Variants in ERC1 observed in about 807,000 individuals in gnomAD.
The protein encoded by ERC1 is RAB6 interacting protein 2.
In ERC1, 56 loss-of-function variants were observed where a neutral mutation model predicts 132.0. The observed-to-expected ratio is 0.42, with a 90% CI of 0.34 to 0.53. ERC1 has a LOEUF of 0.53. ERC1 is among the 20% of genes least tolerant of loss of function. The probability of loss-of-function intolerance (pLI) is 0.03; values close to 1 mark genes in which losing one functional copy is unlikely to be tolerated. For synonymous variants in ERC1, 478 were observed against 476.1 expected (o/e 1.00, Z -0.05); for missense variants, 1,202 against 1,349.9 (o/e 0.89, Z 1.72).
At chr12:1,457,183 G>A (rs141499706) in intron 18 of ERC1, among the ~76,000 whole-genome samples, 42 of 152,312 alleles carry the variant, frequency 2.8e-4, no homozygotes, top group Non-Finnish European at 5.3e-4. Flanking sequence ...TCGGTGTGTA[G>A]CAGCTATACC....
At chr12:1,122,892 G>T (rs1947737666) in intron 7 of ERC1, among the ~76,000 whole-genome samples, 1 of 152,106 alleles carries the variant, frequency 6.6e-6, no homozygotes, top group African/African-American at 2.4e-5. Context: ...AGGTAGACTG[G>T]CTTTGGAGTG....
At chr12:1,036,628 G>A (rs897639047) in intron 2 of ERC1, among the ~76,000 whole-genome samples, 3 of 152,050 alleles carry the variant, frequency 2.0e-5, no homozygotes, top group African/African-American at 4.8e-5. Context: ...TGTCAACCTC[G>A]GCCTCCCAAA....
chr12:1,067,710 C>T (rs1185142773), intron 2 of ERC1, among the ~76,000 whole-genome samples: 1 of 152,122 alleles, frequency 6.6e-6, no homozygotes, highest in African/African-American at 2.4e-5. Context: ...AGGGCATTTT[C>T]CTTTCCTGCT....
chr12:1,052,305 T>TTA (rs1163602203), intron 2 of ERC1, among the ~76,000 whole-genome samples: 1 of 152,226 alleles, frequency 6.6e-6, no homozygotes. Flanking sequence ...TCTGTGTATT[T>TTA]TATATATATC....
intron 16 of ERC1, chr12:1,381,081 G>A (rs2088596671): frequency 6.6e-6 from 1 of 152,122 alleles, no homozygotes; most frequent in Non-Finnish European, 1.5e-5. Flanking sequence ...TGACTGAGAA[G>A]ACATTCCTCA....
chr12:1,333,257 C>T (rs933317916), intron 15 of ERC1, among the ~76,000 whole-genome samples: 1 of 151,802 alleles, frequency 6.6e-6, no homozygotes. Flanking sequence ...CAGCTCCATC[C>T]ATGTGCCTGC....
chr12:1,347,299 GTAGAGATAA>G (rs2084570104), intron 15 of ERC1, among the ~76,000 whole-genome samples: 1 of 152,164 alleles, frequency 6.6e-6, no homozygotes, highest in African/African-American at 2.4e-5. Flanking sequence ...GAAAAGGGAA[GTAGAGATAA>G]TATGGTACAG....
At chr12:1,436,878 A>C (rs578162640) in intron 17 of ERC1, among the ~76,000 whole-genome samples, 2 of 151,990 alleles carry the variant, frequency 1.3e-5, no homozygotes, top group African/African-American at 2.4e-5. Context: ...CTTTTGCCTC[A>C]TGTTTCTTCC....
chr12:1,331,596 T>C (rs2082865241), intron 15 of ERC1, among the ~76,000 whole-genome samples: 1 of 152,180 alleles, frequency 6.6e-6, no homozygotes, highest in African/African-American at 2.4e-5. Flanking sequence ...ATCCATCTGC[T>C]TGATTCGTTA....
chr12:1,440,758 A>G (rs1256906619), intron 17 of ERC1, among the ~76,000 whole-genome samples: 1 of 149,472 alleles, frequency 6.7e-6, no homozygotes, highest in African/African-American at 2.5e-5. Flanking sequence ...AGCAATTCTT[A>G]ATGCCTCAGC....
intron 1 of ERC1, among the ~76,000 whole-genome samples, chr12:1,016,172 G>A (rs1315127286): frequency 1.3e-5 from 2 of 152,076 alleles, no homozygotes; most frequent in Non-Finnish European, 2.9e-5. Context: ...GGTTGGACTA[G>A]TGATTTTGAG....
intron 15 of ERC1, among the ~76,000 whole-genome samples, chr12:1,367,951 C>CTT (rs59027116): frequency 0.066 from 7,771 of 118,410 alleles, 471 homozygotes; most frequent in African/African-American, 0.16. Flanking sequence ...CCACATTTTC[C>CTT]TTTTTTTTTT....
chr12:1,049,981 G>A (rs1971665456), intron 2 of ERC1, among the ~76,000 whole-genome samples: 1 of 152,086 alleles, frequency 6.6e-6, no homozygotes, highest in African/African-American at 2.4e-5. Flanking sequence ...GACCTCAGGT[G>A]ATCCGCCCGC....
At chr12:1,020,475 GAAAC>G (rs1342500000) in intron 1 of ERC1, among the ~76,000 whole-genome samples, 1 of 152,090 alleles carries the variant, frequency 6.6e-6, no homozygotes, top group African/African-American at 2.4e-5. Context: ...AAAACAAAAA[GAAAC>G]AAACATCTCA....
At chr12:1,042,581 AC>A (rs1250574970) in intron 2 of ERC1, among the ~76,000 whole-genome samples, 2 of 142,580 alleles carry the variant, frequency 1.4e-5, no homozygotes, top group African/African-American at 5.3e-5. Flanking sequence ...CAAGTGATCC[AC>A]CCACCTTGGC....
At chr12:994,066 CAAAAAAAAAAAAAAAAAA>C (rs72073964) in intron 1 of ERC1, among the ~76,000 whole-genome samples, 1 of 64,208 alleles carries the variant, frequency 1.6e-5, no homozygotes. Context: ...AACTCCGTCT[CAAAAAAAAAAAAAAAAAA>C]AAAAAAAAAA....
chr12:1,121,121 T>G (rs1352816311), intron 7 of ERC1, among the ~76,000 whole-genome samples: 1 of 152,240 alleles, frequency 6.6e-6, no homozygotes, highest in East Asian at 1.9e-4. Flanking sequence ...TAGAGTAACC[T>G]TCTAAGAAAT....
At position 1,028,003 on chromosome 12, in the gene ERC1, C is replaced by T. The variant is rs774585775; in HGVS notation, c.100C>T (p.Arg34Ter). ...LPRSPRLGHR[R>*]TNSTGGSSGS... ...ACGTTCCCCTCGCTTGGGTCACCGTCGAACCAACAGTACGGGAGGGAGTTC... is the reference window on the plus strand; with the variant it reads ...ACGTTCCCCTCGCTTGGGTCACCGTTGAACCAACAGTACGGGAGGGAGTTC... Residue 34 changes from arginine (R) to a stop codon, truncating the protein, a stop_gained, in exon 2 of 19, where the codon CGA becomes TGA. Transcript: ENST00000360905. LOFTEE classifies it high-confidence loss of function. The T allele has an allele frequency of 4.3e-6, 7 of 1,614,024 alleles. No individual in the cohort carries two copies. Among genetic ancestry groups the T allele is most frequent in the Non-Finnish European group, 5.9e-6 (7 of 1,180,050 alleles).
chr12:1,039,348 A>AT (rs1270724215), intron 2 of ERC1, among the ~76,000 whole-genome samples: 8 of 148,692 alleles, frequency 5.4e-5, no homozygotes, highest in African/African-American at 1.7e-4. Context: ...AAAAAAAAAA[A>AT]AAAATAAAAA....
Sources: allele counts gnomAD v4.1 joint callset (sites outside exome capture counted in the v4.1 genomes callset), GRCh38; gene constraint gnomAD v4.1.1; transcripts MANE v1.5; gene names NCBI Gene and HGNC (gene_info 2026-07-23, HGNC 2026-07-21).